The following CREB5 variants were observed in gnomAD, a reference collection of about 807,000 sequenced individuals.
CREB5 encodes the protein cAMP responsive element binding protein 5.
Under a neutral mutation model 57.1 loss-of-function variants are expected in CREB5, and 19 were observed. The observed-to-expected ratio is 0.33, with a 90% CI of 0.23 to 0.49. The LOEUF (loss-of-function observed/expected upper bound fraction) is 0.49. Among genes scored for constraint, CREB5 ranks in the 20% least tolerant of loss-of-function variants. The pLI, the probability that CREB5 is intolerant of heterozygous loss-of-function variation, is 0.99. For synonymous variants in CREB5, 238 were observed against 238.3 expected (o/e 1.00, Z 0.01); for missense variants, 579 against 671.6 (o/e 0.86, Z 1.52).
At chr7:28,499,862 C>T (rs955994651) in intron 3 of CREB5, among the ~76,000 whole-genome samples, 15 of 152,184 alleles carry the variant, frequency 9.9e-5, no homozygotes, top group African/African-American at 3.6e-4. Flanking sequence ...GGATTACAGG[C>T]GTGAGCCACA....
At chr7:28,437,899 T>A (rs561500676) in intron 1 of CREB5, among the ~76,000 whole-genome samples, 7 of 152,188 alleles carry the variant, frequency 4.6e-5, no homozygotes, top group Non-Finnish European at 7.4e-5. Context: ...GAAAAGACGA[T>A]GGAGACATTT....
intron 7 of CREB5, among the ~76,000 whole-genome samples, chr7:28,730,736 G>A (rs774812089): frequency 3.3e-5 from 5 of 152,106 alleles, no homozygotes; most frequent in Non-Finnish European, 5.9e-5. Context: ...CAACCCTGTA[G>A]GATCAACAGG....
At chr7:28,658,962 T>C (rs1481002300) in intron 5 of CREB5, among the ~76,000 whole-genome samples, 2 of 137,766 alleles carry the variant, frequency 1.5e-5, no homozygotes, top group African/African-American at 5.2e-5. Context: ...TGTATATATA[T>C]ATATATATAT....
In CREB5 at chr7:28,412,617, G is replaced by A. The variant is rs1312349747; in HGVS notation, c.-298G>A. The A allele has an allele frequency of 3.3e-6, 1 of 300,428 alleles. No homozygotes were observed. The highest frequency in any genetic ancestry group is 6.1e-6 in the Non-Finnish European group (1 of 164,248). The allele number at this position is 300,428 out of a possible 1,614,324, so 18.6% of individuals were successfully genotyped here. A position where few individuals can be genotyped will look rare whatever the true frequency, so the allele number is the denominator to read the frequency against. The stretch of plus-strand genomic sequence containing the variant: ...ATTTTCCATGTCAGTTAAATCTAGG[G>A]AGTTCAAGACTACTGGAAAAATTAG... On this transcript the variant is annotated 5_prime_UTR_variant, in exon 1 of 11. Coordinates refer to ENST00000357727, the MANE Select transcript of CREB5 (RefSeq NM_182898.4).
At chr7:28,438,435 G>A (rs956342559) in intron 1 of CREB5, among the ~76,000 whole-genome samples, 2 of 151,900 alleles carry the variant, frequency 1.3e-5, no homozygotes, top group East Asian at 1.9e-4. Context: ...AGGGCCTCTC[G>A]GTTTTTCCTT....
At chr7:28,418,618 T>TAAAATTAC (rs1274691234) in intron 1 of CREB5, among the ~76,000 whole-genome samples, 1 of 152,268 alleles carries the variant, frequency 6.6e-6, no homozygotes, top group Non-Finnish European at 1.5e-5. Context: ...GTTTTAAATA[T>TAAAATTAC]AAAATTACAT....
intron 7 of CREB5, among the ~76,000 whole-genome samples, chr7:28,802,699 A>G (rs1328883608): frequency 6.6e-6 from 1 of 152,246 alleles, no homozygotes; most frequent in Non-Finnish European, 1.5e-5. Context: ...ACTGTGTCAC[A>G]GAAGAAACAA....
At chr7:28,532,234 G>A (rs1793761521) in intron 4 of CREB5, among the ~76,000 whole-genome samples, 1 of 152,132 alleles carries the variant, frequency 6.6e-6, no homozygotes, top group African/African-American at 2.4e-5. Flanking sequence ...GACTCATCTT[G>A]GAAGCAGATC....
At chr7:28,711,218 G>A (rs779573496) in intron 5 of CREB5, among the ~76,000 whole-genome samples, 32 of 152,140 alleles carry the variant, frequency 2.1e-4, no homozygotes, top group Non-Finnish European at 4.3e-4. Flanking sequence ...AAGAGGCAGA[G>A]AATAGGCTAC....
intron 5 of CREB5, among the ~76,000 whole-genome samples, chr7:28,587,064 T>C (rs1205400219): frequency 6.6e-6 from 1 of 152,230 alleles, no homozygotes; most frequent in Non-Finnish European, 1.5e-5. Flanking sequence ...CAAATGTCAT[T>C]ACAAAAGGTG....
At chr7:28,399,750 A>G (rs1008908738) in intron 1 of CREB5, among the ~76,000 whole-genome samples, 3 of 152,124 alleles carry the variant, frequency 2.0e-5, no homozygotes, top group African/African-American at 7.2e-5. Flanking sequence ...CCTTGTCTCT[A>G]CTAAACATAA....
intron 5 of CREB5, among the ~76,000 whole-genome samples, chr7:28,580,558 G>GGTGTGT (rs371277784): frequency 0.052 from 6,417 of 124,576 alleles, 224 homozygotes; most frequent in African/African-American, 0.099. Flanking sequence ...TTGGCAAATT[G>GGTGTGT]GTGTGTGTGT....
intron 4 of CREB5, among the ~76,000 whole-genome samples, chr7:28,543,114 C>G (rs1794270562): frequency 6.6e-6 from 1 of 152,104 alleles, no homozygotes; most frequent in Non-Finnish European, 1.5e-5. Context: ...TCTCTCTCCT[C>G]TTGAACATCT....
intron 5 of CREB5, among the ~76,000 whole-genome samples, chr7:28,716,245 G>A (rs1056250143): frequency 1.3e-5 from 2 of 151,928 alleles, no homozygotes; most frequent in African/African-American, 4.8e-5. Flanking sequence ...AAATCCTAAT[G>A]AACAATATTA....
At chr7:28,469,751 C>T (rs1032303939) in intron 1 of CREB5, among the ~76,000 whole-genome samples, 2 of 152,102 alleles carry the variant, frequency 1.3e-5, no homozygotes, top group African/African-American at 4.8e-5. Flanking sequence ...TCTTTTAATC[C>T]TCACATACTA....
chr7:28,693,074 T>C (rs1342678885), intron 5 of CREB5, among the ~76,000 whole-genome samples: 1 of 152,172 alleles, frequency 6.6e-6, no homozygotes, highest in Non-Finnish European at 1.5e-5. Flanking sequence ...CCAAGACCCA[T>C]CTAGCTAGCA....
chr7:28,763,927 G>A (rs1307325365), intron 7 of CREB5, among the ~76,000 whole-genome samples: 1 of 151,960 alleles, frequency 6.6e-6, no homozygotes. Context: ...AGCCTCTCAA[G>A]TAGCTAGGAC....
intron 5 of CREB5, among the ~76,000 whole-genome samples, chr7:28,626,940 GT>G (rs941088929): frequency 7.9e-5 from 12 of 151,958 alleles, no homozygotes; most frequent in South Asian, 2.1e-4. Context: ...TGATACAGGG[GT>G]TTTTTTTCTC....
At chr7:28,700,100 A>T (rs1437371029) in intron 5 of CREB5, among the ~76,000 whole-genome samples, 1 of 152,222 alleles carries the variant, frequency 6.6e-6, no homozygotes, top group Non-Finnish European at 1.5e-5. Flanking sequence ...CATGTTATTA[A>T]GCTATGAATG....
Sources: allele counts gnomAD v4.1 joint callset (sites outside exome capture counted in the v4.1 genomes callset), GRCh38; gene constraint gnomAD v4.1.1; transcripts MANE v1.5; gene names NCBI Gene and HGNC (gene_info 2026-07-23, HGNC 2026-07-21).